The following CDK6 variants were observed in gnomAD, a reference collection of about 807,000 sequenced individuals.
CDK6 encodes cyclin dependent kinase 6.
In CDK6, 6 loss-of-function variants were observed where a neutral mutation model predicts 37.1. That is an observed-to-expected ratio of 0.16 (90% CI 0.09 to 0.32). The LOEUF (loss-of-function observed/expected upper bound fraction) is 0.32. Among genes scored for constraint, CDK6 ranks in the 10% least tolerant of loss-of-function variants. The pLI is 1.00. For missense variants in CDK6, 224 were observed against 418.9 expected (o/e 0.53, Z 4.06); for synonymous variants, 160 against 161.3 (o/e 0.99, Z 0.06).
At chr7:92,787,680 G>T (rs1800180521) in intron 2 of CDK6, among the ~76,000 whole-genome samples, 1 of 151,892 alleles carries the variant, frequency 6.6e-6, no homozygotes, top group Non-Finnish European at 1.5e-5. Flanking sequence ...CTACAAAAAA[G>T]AATATGAGAA....
At chr7:92,722,916 G>C (rs1295533983) in intron 4 of CDK6, among the ~76,000 whole-genome samples, 1 of 152,208 alleles carries the variant, frequency 6.6e-6, no homozygotes, top group Non-Finnish European at 1.5e-5. Context: ...TGGGCACAGT[G>C]GCTTATGCCT....
At chr7:92,759,690 T>C (rs1013901533) in intron 3 of CDK6, among the ~76,000 whole-genome samples, 6 of 136,034 alleles carry the variant, frequency 4.4e-5, no homozygotes, top group East Asian at 2.1e-4. Context: ...AACAACAGAC[T>C]TTAAGGCAAA....
In CDK6 at chr7:92,612,496, G is replaced by A. The variant is rs944569074; in HGVS notation, c.*2644C>T. On this transcript the variant is annotated 3_prime_UTR_variant, in exon 8 of 8. Coordinates refer to ENST00000424848, the MANE Select transcript of CDK6 (RefSeq NM_001145306.2). ...TCTGGACATAAAATACATAAATCAAGAGAGTATTCACTCAAATGCAACAAC... is the reference window on the plus strand; with the variant it reads ...TCTGGACATAAAATACATAAATCAAAAGAGTATTCACTCAAATGCAACAAC... The A allele has an allele frequency of 3.3e-4, 76 of 233,128 alleles. No individual in the cohort carries two copies. The highest frequency in any genetic ancestry group is 1.6e-3 in the African/African-American group (75 of 45,470). The allele number at this position is 233,128 out of a possible 1,614,324, so 14.4% of individuals were successfully genotyped here.
chr7:92,650,044 A>G (rs1254393890), intron 5 of CDK6, among the ~76,000 whole-genome samples: 1 of 152,244 alleles, frequency 6.6e-6, no homozygotes, highest in African/African-American at 2.4e-5. Context: ...CCCTTTGTAT[A>G]GTTTTTTCTT....
intron 5 of CDK6, among the ~76,000 whole-genome samples, chr7:92,649,891 A>G (rs1238923471): frequency 6.6e-6 from 1 of 152,242 alleles, no homozygotes; most frequent in Non-Finnish European, 1.5e-5. Context: ...GAGCCTAGGT[A>G]AGTAGCCTTC....
intron 4 of CDK6, among the ~76,000 whole-genome samples, chr7:92,682,084 A>G (rs1230079373): frequency 6.6e-6 from 1 of 152,012 alleles, no homozygotes; most frequent in Non-Finnish European, 1.5e-5. Context: ...TTCCATCGAG[A>G]GCATGTCCTC....
intron 2 of CDK6, among the ~76,000 whole-genome samples, chr7:92,819,186 G>T (rs867675167): frequency 1.3e-5 from 2 of 152,044 alleles, no homozygotes; most frequent in South Asian, 4.1e-4. Context: ...GCAGGTGAAT[G>T]AATAAACAAA....
At chr7:92,825,390 G>A (rs1467990313) in intron 2 of CDK6, among the ~76,000 whole-genome samples, 1 of 152,032 alleles carries the variant, frequency 6.6e-6, no homozygotes, top group Non-Finnish European at 1.5e-5. Context: ...TTGGGATACT[G>A]CAAGGAACAA....
intron 3 of CDK6, among the ~76,000 whole-genome samples, chr7:92,763,498 T>G (rs1002218444): frequency 3.9e-5 from 6 of 152,368 alleles, no homozygotes; most frequent in Admixed American, 6.5e-5. Context: ...GATTTTTGTG[T>G]GGCTTAAAAA....
In CDK6 at chr7:92,835,963, A is replaced by T. The variant is rs1305106627; in HGVS notation, c.-368+515T>A. Among the ~76,000 whole-genome samples the T allele has an allele frequency of 6.6e-6, 1 of 152,152 alleles. No homozygotes were observed. The highest frequency in any genetic ancestry group is 6.5e-5 in the Admixed American group (1 of 15,284). ...ACGCCCGCAGGAAGCCTGCGTTAAC[A>T]TTTATCTCGTGGAGGGGAAGGTGGA... is the stretch of plus-strand genomic sequence containing the variant. On this transcript the variant is annotated intron_variant, in intron 1 of 7. Coordinates refer to ENST00000424848, the MANE Select transcript of CDK6 (RefSeq NM_001145306.2). The surrounding 1 kb of genome is among the most constrained non-coding windows in gnomAD (Gnocchi z 4.2).
At chr7:92,651,641 A>G (rs542838739) in intron 5 of CDK6, among the ~76,000 whole-genome samples, 1 of 152,352 alleles carries the variant, frequency 6.6e-6, no homozygotes, top group South Asian at 2.1e-4. Context: ...GGTAGCTGGA[A>G]GAAACCACTG....
chr7:92,774,687 T>C lies in CDK6; in HGVS notation c.369+9A>G. 1 of 1,586,640 alleles carries C rather than the reference T, an allele frequency of 6.3e-7. No homozygotes were observed. ...CTGCCTGATAAGACATGAAGATGAT[T>C]CTTGATACCTTTATGGTTTCAGTGG... On this transcript the variant is annotated intron_variant, in intron 3 of 7. Transcript: ENST00000424848.
intron 2 of CDK6, among the ~76,000 whole-genome samples, chr7:92,827,168 T>C (rs1200336929): frequency 6.6e-6 from 1 of 152,218 alleles, no homozygotes; most frequent in Non-Finnish European, 1.5e-5. Context: ...CAAATTTTAT[T>C]ATTATAAAAC....
At chr7:92,713,111 A>T (rs943880351) in intron 4 of CDK6, among the ~76,000 whole-genome samples, 2 of 152,098 alleles carry the variant, frequency 1.3e-5, no homozygotes, top group Non-Finnish European at 2.9e-5. Flanking sequence ...TGCCTGCTTC[A>T]GCCTCCCAAA....
At chr7:92,805,274 G>A (rs987861613) in intron 2 of CDK6, among the ~76,000 whole-genome samples, 6 of 152,166 alleles carry the variant, frequency 3.9e-5, no homozygotes, top group Non-Finnish European at 8.8e-5. Flanking sequence ...CAGGATCAAA[G>A]AGATGCTGCT....
intron 4 of CDK6, among the ~76,000 whole-genome samples, chr7:92,719,353 T>A (rs1351597967): frequency 6.6e-6 from 1 of 152,246 alleles, no homozygotes; most frequent in East Asian, 1.9e-4. Flanking sequence ...TTGGGAATCT[T>A]ATCAGTTACA....
chr7:92,732,830 A>G (rs1179719180), intron 3 of CDK6, among the ~76,000 whole-genome samples: 1 of 152,184 alleles, frequency 6.6e-6, no homozygotes, highest in Non-Finnish European at 1.5e-5. Flanking sequence ...CCCACGTCTT[A>G]TACTGAATGC....
chr7:92,727,560 G>T (rs1248649988), intron 3 of CDK6, among the ~76,000 whole-genome samples: 1 of 152,198 alleles, frequency 6.6e-6, no homozygotes, highest in Non-Finnish European at 1.5e-5. Flanking sequence ...TTATTAGGAT[G>T]ATTATTGCCA....
chr7:92,728,905 C>T (rs1419280424), intron 3 of CDK6, among the ~76,000 whole-genome samples: 2 of 152,072 alleles, frequency 1.3e-5, no homozygotes, highest in Non-Finnish European at 2.9e-5. Context: ...GTAATTCAAC[C>T]ACGAGTTAGG....
Sources: allele counts gnomAD v4.1 joint callset (sites outside exome capture counted in the v4.1 genomes callset), GRCh38; gene constraint gnomAD v4.1.1; non-coding constraint Gnocchi (gnomAD v3.1); transcripts MANE v1.5; gene names NCBI Gene and HGNC (gene_info 2026-07-23, HGNC 2026-07-21).